Variants in AGK observed in about 807,000 individuals in gnomAD.
AGK encodes the protein acylglycerol kinase, also known as acylglycerol kinase, mitochondrial.
AGK carries 52 observed loss-of-function variants against 66.4 expected under a neutral mutation model. The observed-to-expected ratio is 0.78, with a 90% CI of 0.63 to 0.99. The LOEUF is 0.99. Ranked by LOEUF, AGK falls within the 50% of genes least tolerant of loss-of-function variation. AGK has a pLI of 0.00. For missense variants in AGK, 451 were observed against 506.6 expected (o/e 0.89, Z 1.05); for synonymous variants, 182 against 181.1 (o/e 1.00, Z -0.04).
Position 141,607,658 on chromosome 7 carries a change from T to A in AGK, c.298-3537T>A, listed in dbSNP as rs575569779. On this transcript the variant is annotated intron_variant, in intron 5 of 15. Transcript: ENST00000649286. The stretch of plus-strand genomic sequence containing the variant: ...ATTTTACTGAATTTTAATTTATCAA[T>A]TTTTTTTTCTTTCATGGATATTGCT... Among the ~76,000 whole-genome samples the A allele has an allele frequency of 1.1e-3, 169 of 151,820 alleles. 2 individuals are homozygous for A. In the South Asian group the frequency reaches 0.034, roughly 31 times the overall value.
chr7:141,582,060 C>T (rs1310537069), intron 2 of AGK, among the ~76,000 whole-genome samples: 1 of 152,040 alleles, frequency 6.6e-6, no homozygotes, highest in Non-Finnish European at 1.5e-5. Context: ...CAAGAAGCTT[C>T]CGAGGCAACT....
At chr7:141,651,048 C>T (rs1259052446) in intron 14 of AGK, among the ~76,000 whole-genome samples, 1 of 152,164 alleles carries the variant, frequency 6.6e-6, no homozygotes, top group Admixed American at 6.5e-5. Flanking sequence ...GTGGGACCCA[C>T]AGATAGGAAG....
Position 141,649,334 on chromosome 7 carries a change from G to C in AGK, c.1046+1G>C. 6.2e-7 allele frequency: 1 copy of C among 1,607,418 alleles called. No individual in the cohort carries two copies. The highest frequency in any genetic ancestry group is 8.5e-7 in the Non-Finnish European group (1 of 1,174,316). On this transcript the variant is annotated splice_donor_variant, in intron 14 of 15. Transcript: ENST00000649286. LOFTEE classifies it high-confidence loss of function. ...GCAAAGGAGACTTTATAACTATAGG[G>C]TAAGTGGACTGGGGTTCACAGGAAA...
chr7:141,580,600 G>A (rs1268626283), intron 2 of AGK, among the ~76,000 whole-genome samples: 1 of 151,982 alleles, frequency 6.6e-6, no homozygotes, highest in Non-Finnish European at 1.5e-5. Context: ...CAGGTGTGAG[G>A]AAGAAAATAG....
chr7:141,580,321 G>A (rs1015117123), intron 2 of AGK, among the ~76,000 whole-genome samples: 1 of 151,986 alleles, frequency 6.6e-6, no homozygotes, highest in Admixed American at 6.5e-5. Context: ...AGCATAGCCT[G>A]CCTTTGCTGG....
At chr7:141,641,765 A>G in intron 12 of AGK, 46 bp from the exon 13 acceptor site, 1 of 1,506,378 alleles carries the variant, frequency 6.6e-7, no homozygotes, top group Non-Finnish European at 9.0e-7. Flanking sequence ...GTGGGTGGTG[A>G]AATGTTAATG....
chr7:141,558,799 G>T (rs1477785847), intron 2 of AGK, among the ~76,000 whole-genome samples: 1 of 151,942 alleles, frequency 6.6e-6, no homozygotes, highest in African/African-American at 2.4e-5. Context: ...GTTATTTTCT[G>T]TTTCTTTGAT....
chr7:141,611,527 T>C (rs745390630), intron 6 of AGK, among the ~76,000 whole-genome samples: 2 of 152,206 alleles, frequency 1.3e-5, no homozygotes, highest in African/African-American at 2.4e-5. Flanking sequence ...TTAAGTTTGA[T>C]AATATTGAAT....
chr7:141,568,842 C>A (rs190379520), intron 2 of AGK, among the ~76,000 whole-genome samples: 1 of 152,132 alleles, frequency 6.6e-6, no homozygotes, highest in East Asian at 1.9e-4. Flanking sequence ...TCCCAGAGTG[C>A]TGGGATTACA....
intron 10 of AGK, 51 bp from the exon 11 acceptor site, chr7:141,636,909 T>A (rs1359361542): frequency 6.2e-6 from 9 of 1,441,578 alleles, no homozygotes; most frequent in Non-Finnish European, 8.8e-6. Flanking sequence ...ATCTATCACA[T>A]GATAGTTCTT....
chr7:141,635,917 A>G (rs951777694), intron 10 of AGK, among the ~76,000 whole-genome samples: 3 of 152,128 alleles, frequency 2.0e-5, no homozygotes, highest in African/African-American at 7.2e-5. Context: ...TTTATACTTT[A>G]TATTTCTTCT....
chr7:141,607,132 C>T (rs949221631), intron 5 of AGK, among the ~76,000 whole-genome samples: 3 of 151,964 alleles, frequency 2.0e-5, no homozygotes, highest in East Asian at 1.9e-4. Context: ...TGCAGGTTCT[C>T]GGGTGGACAT....
At chr7:141,592,494 G>C (rs1165853127) in intron 2 of AGK, among the ~76,000 whole-genome samples, 1 of 152,184 alleles carries the variant, frequency 6.6e-6, no homozygotes, top group African/African-American at 2.4e-5. Flanking sequence ...GATCTCCCAT[G>C]TCAGGGTCCT....
chr7:141,552,787 C>T (rs1248700125), intron 1 of AGK, among the ~76,000 whole-genome samples: 1 of 152,060 alleles, frequency 6.6e-6, no homozygotes, highest in Non-Finnish European at 1.5e-5. Context: ...AGTATAGGAT[C>T]GAGGAAAGGA....
intron 9 of AGK, among the ~76,000 whole-genome samples, chr7:141,632,285 A>C (rs1349617393): frequency 6.6e-6 from 1 of 151,414 alleles, no homozygotes; most frequent in Admixed American, 6.6e-5. Flanking sequence ...CCTTACCCTC[A>C]ATGTCTTTGG....
chr7:141,655,186 A>C lies in AGK; in HGVS notation c.*2262A>C, dbSNP rs1370957325. ...TAATGGTACATATAATTAGGGAAGG[A>C]TATGGAAGCCACTTTAGAATCTTAT... On this transcript the variant is annotated 3_prime_UTR_variant, in exon 16 of 16. Transcript: ENST00000649286. 6.6e-6 allele frequency: 1 copy of C among 152,242 alleles called. No homozygotes were observed. The highest frequency in any genetic ancestry group is 1.5e-5 in the Non-Finnish European group (1 of 68,042). 9.4% of individuals were successfully genotyped at this position (152,242 alleles called of 1,614,324 possible).
intron 15 of AGK, among the ~76,000 whole-genome samples, chr7:141,652,194 A>G (rs1176950593): frequency 6.6e-6 from 1 of 152,268 alleles, no homozygotes; most frequent in East Asian, 1.9e-4. Context: ...AGACAAGACT[A>G]TAGGTAAACA....
At chr7:141,570,001 T>A (rs1795564913) in intron 2 of AGK, among the ~76,000 whole-genome samples, 1 of 152,264 alleles carries the variant, frequency 6.6e-6, no homozygotes, top group African/African-American at 2.4e-5. Flanking sequence ...GGGCAAGTTA[T>A]TTAACTTGTT....
chr7:141,612,297 C>G (rs564700144), intron 6 of AGK, among the ~76,000 whole-genome samples: 1 of 152,144 alleles, frequency 6.6e-6, no homozygotes, highest in Non-Finnish European at 1.5e-5. Context: ...AGTGAAACGT[C>G]AGAGGTTACC....
Sources: allele counts gnomAD v4.1 joint callset (sites outside exome capture counted in the v4.1 genomes callset), GRCh38; gene constraint gnomAD v4.1.1; transcripts MANE v1.5; gene names NCBI Gene and HGNC (gene_info 2026-07-23, HGNC 2026-07-21).